The following KDM4C variants were observed in gnomAD, a reference collection of about 807,000 sequenced individuals.
The protein encoded by KDM4C is lysine demethylase 4C.
A neutral mutation model predicts 129.3 loss-of-function variants in KDM4C; 81 were observed. That is an observed-to-expected ratio of 0.63 (90% CI 0.52 to 0.75). The LOEUF is 0.75. Among genes scored for constraint, KDM4C ranks in the 30% least tolerant of loss-of-function variants. The probability of loss-of-function intolerance (pLI) is 0.00; values close to 1 mark genes in which losing one functional copy is unlikely to be tolerated. For synonymous variants in KDM4C, 573 were observed against 456.1 expected (o/e 1.26, Z -3.26); for missense variants, 1,457 against 1,304.0 (o/e 1.12, Z -1.81).
rs555500494 is a variant in KDM4C, at chr9:7,153,942, G to GTGC, written c.2782-11278_2782-11276dup. ...CCTAACCTCTGCTGTAGGCCTGTGG[G>GTGC]TGCTGCTGCTGCTGCTGCTGTCTGA... On this transcript the variant is annotated intron_variant, in intron 19 of 21. Transcript: ENST00000381309. 2.5e-4 allele frequency among the ~76,000 whole-genome samples: 38 copies of GTGC among 152,126 alleles called. No individual in the cohort carries two copies. In the South Asian group the frequency reaches 5.6e-3, roughly 22 times the overall value.
At chr9:6,922,187 T>G (rs1589122155) in intron 8 of KDM4C, among the ~76,000 whole-genome samples, 1 of 152,372 alleles carries the variant, frequency 6.6e-6, no homozygotes, top group Admixed American at 6.5e-5. Flanking sequence ...AGCCCAATCT[T>G]AGCTGCTGCT....
chr9:6,879,858 ACT>A (rs1463332904), intron 5 of KDM4C, among the ~76,000 whole-genome samples, 152 bp from the exon 6 acceptor site: 2 of 151,910 alleles, frequency 1.3e-5, no homozygotes, highest in Non-Finnish European at 2.9e-5. Flanking sequence ...AAGGAATATG[ACT>A]CTGTGATTGG....
At chr9:6,762,983 C>T (rs569656090) in intron 1 of KDM4C, among the ~76,000 whole-genome samples, 4 of 151,938 alleles carry the variant, frequency 2.6e-5, no homozygotes, top group Admixed American at 1.3e-4. Flanking sequence ...TTTTACTCCC[C>T]GACCCTCTAA....
intron 1 of KDM4C, 136 bp from the exon 2 acceptor site, chr9:6,792,836 C>A: frequency 2.3e-6 from 2 of 868,268 alleles, no homozygotes; most frequent in South Asian, 3.2e-5. Context: ...AGGGAGTCTC[C>A]CTGAGACTGG....
At chr9:7,087,378 A>T (rs1037609055) in intron 17 of KDM4C, among the ~76,000 whole-genome samples, 1 of 152,158 alleles carries the variant, frequency 6.6e-6, no homozygotes, top group Middle Eastern at 3.2e-3. Flanking sequence ...TAAAGGCTTC[A>T]TCTATCTGAG....
chr9:6,827,947 T>C (rs1834157849), intron 4 of KDM4C, among the ~76,000 whole-genome samples: 1 of 152,196 alleles, frequency 6.6e-6, no homozygotes, highest in Admixed American at 6.5e-5. Context: ...GACAGCTTTA[T>C]TGGTCACATT....
At chr9:7,149,463 G>A (rs1842530249) in intron 19 of KDM4C, among the ~76,000 whole-genome samples, 1 of 152,214 alleles carries the variant, frequency 6.6e-6, no homozygotes, top group African/African-American at 2.4e-5. Context: ...CTGGGAGCAT[G>A]GGCTCCCGCC....
chr9:7,104,435 A>G (rs1459744074), intron 18 of KDM4C: 1 of 152,260 alleles, frequency 6.6e-6, no homozygotes, highest in Non-Finnish European at 1.5e-5. Flanking sequence ...GGAAGGAGTG[A>G]GGATAATCTC....
chr9:6,983,941 T>C (rs1175202053), intron 9 of KDM4C, among the ~76,000 whole-genome samples: 1 of 152,230 alleles, frequency 6.6e-6, no homozygotes, highest in Non-Finnish European at 1.5e-5. Context: ...TTAATAATTA[T>C]TTACAGTTGT....
intron 8 of KDM4C, among the ~76,000 whole-genome samples, chr9:6,926,399 G>C (rs929144694): frequency 2.8e-5 from 4 of 142,024 alleles, no homozygotes; most frequent in African/African-American, 7.6e-5. Context: ...GAGGTGAAAA[G>C]TGGAATCTTT....
At chr9:6,975,252 G>C (rs1232709613) in intron 8 of KDM4C, among the ~76,000 whole-genome samples, 1 of 152,212 alleles carries the variant, frequency 6.6e-6, no homozygotes, top group Non-Finnish European at 1.5e-5. Context: ...AGCTAGGCTG[G>C]TTAAACTCTA....
At chr9:6,760,633 C>T (rs191122685) in intron 1 of KDM4C, among the ~76,000 whole-genome samples, 1 of 151,738 alleles carries the variant, frequency 6.6e-6, no homozygotes, top group Non-Finnish European at 1.5e-5. Flanking sequence ...TGCAGTGGCA[C>T]GATCTCTGCT....
chr9:7,157,149 CTGTT>C (rs1200846341), intron 19 of KDM4C, among the ~76,000 whole-genome samples: 2 of 152,094 alleles, frequency 1.3e-5, no homozygotes, highest in Non-Finnish European at 2.9e-5. Flanking sequence ...ATTTGGCTCT[CTGTT>C]TGTCTGTTCT....
rs1016217467 is a variant in KDM4C, at chr9:7,013,956, A to G, written c.2137A>G (p.Ser713Gly). 4 of 1,614,008 alleles carry G rather than the reference A, an allele frequency of 2.5e-6. No homozygotes were observed. The highest frequency in any genetic ancestry group is 3.4e-6 in the Non-Finnish European group (4 of 1,179,880). ...TGCCTTCCTTGAAGAGGATGGAACA[A>G]GTCTCCTTATTTCCTGTGCAAAGTG... ...PNAFLEEDGT[S>G]LLISCAKCCV... The change falls in exon 14 of 22, where the codon AGT (serine) becomes GGT (glycine). Residue 713 changes from serine (S) to glycine (G), a missense_variant. Ser to Gly is a moderately conservative substitution (Grantham distance 56). Coordinates refer to ENST00000381309, the MANE Select transcript of KDM4C (RefSeq NM_015061.6).
chr9:7,044,210 T>A (rs1326143845), intron 15 of KDM4C, among the ~76,000 whole-genome samples: 1 of 151,818 alleles, frequency 6.6e-6, no homozygotes, highest in African/African-American at 2.4e-5. Flanking sequence ...GGGAGTAACA[T>A]TTAGGTTGAG....
chr9:6,821,371 C>T (rs1375391117), intron 4 of KDM4C, among the ~76,000 whole-genome samples: 7 of 152,288 alleles, frequency 4.6e-5, no homozygotes, highest in Non-Finnish European at 7.3e-5. Flanking sequence ...TCCACATCCT[C>T]TCCAGCATCT....
chr9:6,931,972 G>T (rs1171357688), intron 8 of KDM4C, among the ~76,000 whole-genome samples: 2 of 152,196 alleles, frequency 1.3e-5, no homozygotes, highest in African/African-American at 2.4e-5. Flanking sequence ...GCTGTGCCCT[G>T]CAGGGTAAAG....
intron 1 of KDM4C, among the ~76,000 whole-genome samples, chr9:6,780,768 C>CAAAAAAAAAAAAAAAAAAAAAAAAAAAAA (rs34457968): frequency 3.1e-5 from 1 of 32,154 alleles, no homozygotes. Context: ...AACTCCCTCT[C>CAAAAAAAAAAAAAAAAAAAAAAAAAAAAA]AAAAAAAAAA....
chr9:6,782,347 G>C (rs1173970077), intron 1 of KDM4C, among the ~76,000 whole-genome samples: 1 of 152,142 alleles, frequency 6.6e-6, no homozygotes, highest in African/African-American at 2.4e-5. Flanking sequence ...AAATAGCAAA[G>C]CAGTTATGAG....
Sources: gnomAD v4.1 joint callset for allele counts (sites outside exome capture counted in the v4.1 genomes callset) on GRCh38, gnomAD v4.1.1 for gene constraint, MANE v1.5 for transcripts, NCBI Gene and HGNC (gene_info 2026-07-23, HGNC 2026-07-21) for gene names.